Variants in ANK1 observed in about 807,000 individuals in gnomAD.
The protein encoded by ANK1 is ankyrin 1, also known as ankyrin-1.
A neutral mutation model predicts 210.4 loss-of-function variants in ANK1; 51 were observed. That is an observed-to-expected ratio of 0.24 (90% CI 0.19 to 0.31). ANK1 has a LOEUF of 0.31. Among genes scored for constraint, ANK1 ranks in the 10% least tolerant of loss-of-function variants. The probability of loss-of-function intolerance (pLI) is 1.00; values close to 1 mark genes in which losing one functional copy is unlikely to be tolerated. For missense variants in ANK1, 2,051 were observed against 2,504.4 expected, an observed-to-expected ratio of 0.82 and a Z score of 3.86; for synonymous variants, 967 against 1,025.9, an observed-to-expected ratio of 0.94 and a Z score of 1.10.
intron 16 of ANK1, among the ~76,000 whole-genome samples, chr8:41,713,229 G>A (rs1190484584): frequency 6.6e-6 from 1 of 152,184 alleles, no homozygotes; most frequent in African/African-American, 2.4e-5. Flanking sequence ...TTTCCCGTGC[G>A]CCTGGCTGCC....
At chr8:41,715,512 G>A in intron 14 of ANK1, 140 bp downstream of exon 14, 2 of 1,124,890 alleles carry the variant, frequency 1.8e-6, no homozygotes, top group Non-Finnish European at 1.3e-6. Context: ...GTGGTGGCCA[G>A]CCCTGAGTGT....
chr8:41,885,610 G>C (rs1049748562), intron 1 of ANK1, among the ~76,000 whole-genome samples: 6 of 152,166 alleles, frequency 3.9e-5, no homozygotes, highest in Non-Finnish European at 5.9e-5. Flanking sequence ...CCTTCCCAAG[G>C]CTTCACAGGC....
chr8:41,661,089 T>C (rs1052871607), intron 42 of ANK1: 1 of 354,134 alleles, frequency 2.8e-6, no homozygotes, highest in Admixed American at 4.2e-5. Context: ...TTGCCCAGGC[T>C]GGTCTTGAAC....
At chr8:41,845,981 C>G (rs549522679) in intron 1 of ANK1, among the ~76,000 whole-genome samples, 1 of 152,274 alleles carries the variant, frequency 6.6e-6, no homozygotes, top group East Asian at 1.9e-4. Flanking sequence ...ATTTTCTCTG[C>G]AAAATAGAAG....
chr8:41,810,396 T>A (rs181007477), intron 1 of ANK1, among the ~76,000 whole-genome samples: 3 of 152,254 alleles, frequency 2.0e-5, no homozygotes, highest in Non-Finnish European at 2.9e-5. Flanking sequence ...AAGAGGGAAA[T>A]CTTGGGCAAT....
Position 41,704,344 on chromosome 8 carries a change from G to T in ANK1, c.2196+30C>A. On this transcript the variant is annotated intron_variant, in intron 19 of 42. Coordinates refer to ENST00000289734, the MANE Select transcript of ANK1 (RefSeq NM_000037.4). This position sits in a 1 kb window ranked among gnomAD's most constrained non-coding sequence, Gnocchi z 4.1. ...TGATGTGGCATGGAGAAGGGTCAGT[G>T]CAGGAGTCGGGGCTGGGGCACCCCT... 6.3e-7 allele frequency: 1 copy of T among 1,593,658 alleles called. No homozygotes were observed. The highest frequency in any genetic ancestry group is 2.2e-5 in the East Asian group (1 of 44,770).
intron 37 of ANK1, among the ~76,000 whole-genome samples, chr8:41,674,072 C>CG (rs1813366848): frequency 6.6e-6 from 1 of 152,210 alleles, no homozygotes; most frequent in African/African-American, 2.4e-5. Flanking sequence ...CAACTGCCCC[C>CG]GGGCTGTGCT....
At chr8:41,780,901 G>A (rs1845173380) in intron 1 of ANK1, among the ~76,000 whole-genome samples, 1 of 152,100 alleles carries the variant, frequency 6.6e-6, no homozygotes, top group South Asian at 2.1e-4. Flanking sequence ...TAGTTTCTGG[G>A]GCTGGGGACA....
chr8:41,876,427 G>A (rs1264182603), intron 1 of ANK1, among the ~76,000 whole-genome samples: 2 of 152,246 alleles, frequency 1.3e-5, no homozygotes, highest in Non-Finnish European at 2.9e-5. Flanking sequence ...CCCCCTGGGG[G>A]CTGGGGCGCA....
At chr8:41,844,154 T>C (rs911583453) in intron 1 of ANK1, among the ~76,000 whole-genome samples, 6 of 152,206 alleles carry the variant, frequency 3.9e-5, no homozygotes, top group Non-Finnish European at 4.4e-5. Flanking sequence ...ATTACAAGCG[T>C]GAGCCACTTC....
intron 1 of ANK1, among the ~76,000 whole-genome samples, chr8:41,817,191 T>G (rs1803489172): frequency 6.6e-6 from 1 of 152,234 alleles, no homozygotes; most frequent in Non-Finnish European, 1.5e-5. Context: ...TTAGAAAATT[T>G]ACATCTCAAA....
At chr8:41,750,785 C>T (rs1377695166) in intron 2 of ANK1, among the ~76,000 whole-genome samples, 1 of 152,164 alleles carries the variant, frequency 6.6e-6, no homozygotes, top group Non-Finnish European at 1.5e-5. Context: ...ACCAACAGTG[C>T]CTGGGCTGCT....
chr8:41,795,426 T>G (rs1321115274), intron 1 of ANK1, among the ~76,000 whole-genome samples: 1 of 152,066 alleles, frequency 6.6e-6, no homozygotes, highest in Admixed American at 6.5e-5. Context: ...CGAGGATTGC[T>G]TGAATACAGG....
At chr8:41,792,268 G>A (rs900580360) in intron 1 of ANK1, among the ~76,000 whole-genome samples, 6 of 152,300 alleles carry the variant, frequency 3.9e-5, no homozygotes, top group Admixed American at 2.0e-4. Context: ...GATGACAAAC[G>A]CCACACTTGC....
At chr8:41,772,571 G>T (rs1843151750) in intron 1 of ANK1, among the ~76,000 whole-genome samples, 1 of 152,196 alleles carries the variant, frequency 6.6e-6, no homozygotes, top group African/African-American at 2.4e-5. Flanking sequence ...AACATCCATG[G>T]TCAAGATCAG....
At chr8:41,721,594 T>G (rs1402453749) in intron 9 of ANK1, among the ~76,000 whole-genome samples, 2 of 147,446 alleles carry the variant, frequency 1.4e-5, no homozygotes, top group Non-Finnish European at 3.0e-5. Flanking sequence ...GAGGCGGAGG[T>G]TGCAGTGAGT....
upstream of ANK1, among the ~76,000 whole-genome samples, chr8:41,798,851 A>G (rs1198141170): frequency 6.6e-6 from 1 of 152,070 alleles, no homozygotes; most frequent in Non-Finnish European, 1.5e-5. Flanking sequence ...TGCTGGGCCC[A>G]CGCTGGTCCA....
chr8:41,661,742 G>A lies in ANK1; in HGVS notation c.5544+134C>T, dbSNP rs766053926. 62 of 1,606,388 alleles carry A rather than the reference G, an allele frequency of 3.9e-5. 1 individual carries two copies. Among genetic ancestry groups the A allele is most frequent in the South Asian group, 2.2e-4 (20 of 90,962 alleles). On this transcript the variant is annotated intron_variant, in intron 41 of 42. Transcript: ENST00000289734. ...GAGGGAGGTGTCATGCAGACGGCCCGGCAGAGCAAGGCAGCAGTGATGGCG... is the reference window on the plus strand; with the variant it reads ...GAGGGAGGTGTCATGCAGACGGCCCAGCAGAGCAAGGCAGCAGTGATGGCG...
chr8:41,799,461 G>A (rs1009398902), upstream of ANK1, among the ~76,000 whole-genome samples: 27 of 152,158 alleles, frequency 1.8e-4, 1 homozygote, highest in Admixed American at 2.0e-4. Flanking sequence ...GCTAGAAGCC[G>A]TTTCACCATC....
Sources: allele counts gnomAD v4.1 joint callset (sites outside exome capture counted in the v4.1 genomes callset), GRCh38; gene constraint gnomAD v4.1.1; non-coding constraint Gnocchi (gnomAD v3.1); transcripts MANE v1.5; gene names NCBI Gene and HGNC (gene_info 2026-07-23, HGNC 2026-07-21).